Variants in C10orf143 observed in about 807,000 individuals in gnomAD.
The protein encoded by C10orf143 is chromosome 10 open reading frame 143, also known as uncharacterized protein C10orf143.
chr10:130,039,113 C>T (rs919073934), intron 3 of C10orf143, among the ~76,000 whole-genome samples: 3 of 151,602 alleles, frequency 2.0e-5, no homozygotes, highest in African/African-American at 7.3e-5. Flanking sequence ...GCCAGTGCTG[C>T]TCTGTCACCC....
chr10:130,062,988 G>T (rs1860873119), downstream of C10orf143, among the ~76,000 whole-genome samples: 1 of 151,948 alleles, frequency 6.6e-6, no homozygotes, highest in African/African-American at 2.4e-5. Context: ...CCACCACACA[G>T]ATGGGAACCA....
At chr10:130,108,780 G>A (rs945620672) in intron 1 of C10orf143, among the ~76,000 whole-genome samples, 1 of 152,120 alleles carries the variant, frequency 6.6e-6, no homozygotes, top group Non-Finnish European at 1.5e-5. Flanking sequence ...ATTTACTGTA[G>A]GTGTAGACAA....
intron 1 of C10orf143, among the ~76,000 whole-genome samples, chr10:130,088,655 T>C (rs904885516): frequency 3.9e-5 from 6 of 152,236 alleles, no homozygotes; most frequent in East Asian, 1.9e-4. Context: ...CCTACCATGA[T>C]AAAGTTACTT....
chr10:130,098,169 A>G (rs1244994101), intron 1 of C10orf143, among the ~76,000 whole-genome samples: 1 of 152,000 alleles, frequency 6.6e-6, no homozygotes, highest in Non-Finnish European at 1.5e-5. Context: ...CTAAAAATAC[A>G]AAAATCAGCT....
chr10:130,057,245 T>G (rs546349696), intron 3 of C10orf143, among the ~76,000 whole-genome samples: 1 of 152,238 alleles, frequency 6.6e-6, no homozygotes, highest in African/African-American at 2.4e-5. Flanking sequence ...ATTCACCATT[T>G]AAACCGTTTT....
Position 130,056,420 on chromosome 10 carries a change from T to C in C10orf143, c.298-20450A>G, listed in dbSNP as rs1164263875. Among the ~76,000 whole-genome samples the C allele has an allele frequency of 6.6e-6, 1 of 152,098 alleles. No individual in the cohort carries two copies. The highest frequency in any genetic ancestry group is 1.5e-5 in the Non-Finnish European group (1 of 68,010). On this transcript the variant is annotated intron_variant and NMD_transcript_variant, in intron 3 of 5. Coordinates refer to the C10orf143 transcript ENST00000643056. This position sits in a 1 kb window ranked among gnomAD's most constrained non-coding sequence, Gnocchi z 4.6. ...AGCAAGGGTCATGCTGAGTCAAGCGTTCAGTGAATACCCCAGGACCTTCAT... is the reference window on the plus strand; with the variant it reads ...AGCAAGGGTCATGCTGAGTCAAGCGCTCAGTGAATACCCCAGGACCTTCAT...
rs759584966 is a variant in C10orf143 at position 130,108,516 on chromosome 10, C to G, written c.69+2188G>C. 9 of 678,772 alleles carry G rather than the reference C, an allele frequency of 1.3e-5. No individual in the cohort carries two copies. The African/African-American group carries it at 1.6e-4, about 12-fold the overall frequency. The allele number at this position is 678,772 out of a possible 1,614,324, so 42.0% of individuals were successfully genotyped here. ...ATCTCATTTCAAGTAACTGCTGTTA[C>G]TTAAGTGATTACACTTTTGCTCAAA... is the stretch of plus-strand genomic sequence containing the variant. On this transcript the variant is annotated intron_variant, in intron 1 of 3. Coordinates refer to ENST00000637128, the MANE Select transcript of C10orf143 (RefSeq NM_001355042.2).
Position 130,046,765 on chromosome 10 carries a change from C to A in C10orf143, c.298-10795G>T, listed in dbSNP as rs773200547. Among the ~76,000 whole-genome samples, 13 of 152,184 alleles carry A rather than the reference C, an allele frequency of 8.5e-5. No homozygotes were observed. The East Asian group carries it at 2.5e-3, about 29-fold the overall frequency. ...AGGCCACCAGCTCGCCCACGCCGCC[C>A]GCTCACCTGCACGCGGAGGTTCATT... On this transcript the variant is annotated intron_variant and NMD_transcript_variant, in intron 3 of 5. Transcript: ENST00000643056.
intron 4 of C10orf143, among the ~76,000 whole-genome samples, chr10:130,035,129 T>C (rs535027443): frequency 6.6e-6 from 1 of 152,258 alleles, no homozygotes; most frequent in East Asian, 1.9e-4. Flanking sequence ...TCAGGCTGGG[T>C]GGTTTAACCA....
At chr10:130,095,623 T>C (rs1447961576) in intron 1 of C10orf143, among the ~76,000 whole-genome samples, 1 of 152,086 alleles carries the variant, frequency 6.6e-6, no homozygotes, top group African/African-American at 2.4e-5. Context: ...AACAGGGGCC[T>C]CAGAAATAAC....
intron 1 of C10orf143, chr10:130,107,673 T>C (rs751745677): frequency 4.6e-6 from 6 of 1,298,888 alleles, no homozygotes; most frequent in Non-Finnish European, 6.7e-6. Context: ...GAGGGTCCAC[T>C]CAGACTCTCA....
At chr10:130,035,317 C>A (rs1316385586) in intron 4 of C10orf143, among the ~76,000 whole-genome samples, 1 of 152,180 alleles carries the variant, frequency 6.6e-6, no homozygotes, top group Non-Finnish European at 1.5e-5. Flanking sequence ...CTTCTTCTAT[C>A]CAACCAGGCA....
At chr10:130,099,851 T>A (rs1861519909) in intron 1 of C10orf143, among the ~76,000 whole-genome samples, 1 of 52,750 alleles carries the variant, frequency 1.9e-5, no homozygotes, top group Non-Finnish European at 3.5e-5. Context: ...TTTATTTTTT[T>A]TTTTTTAAGA....
At chr10:130,105,939 C>A in intron 1 of C10orf143, 2 of 381,432 alleles carry the variant, frequency 5.2e-6, no homozygotes, top group Non-Finnish European at 5.2e-6. Flanking sequence ...CAATGGTCTG[C>A]TCCGGTTGCC....
At chr10:130,105,942 C>T in intron 1 of C10orf143, 2 of 381,758 alleles carry the variant, frequency 5.2e-6, no homozygotes, top group South Asian at 4.1e-5. Context: ...TGGTCTGCTC[C>T]GGTTGCCGGG....
At chr10:130,105,782 G>A (rs1861632291) in intron 1 of C10orf143, among the ~76,000 whole-genome samples, 1 of 152,042 alleles carries the variant, frequency 6.6e-6, no homozygotes, top group South Asian at 2.1e-4. Flanking sequence ...CCTCCCCACG[G>A]CTGCCTGGCC....
At chr10:130,072,513 A>G (rs1218714080) in intron 3 of C10orf143, among the ~76,000 whole-genome samples, 3 of 152,114 alleles carry the variant, frequency 2.0e-5, no homozygotes, top group Non-Finnish European at 2.9e-5. Flanking sequence ...TTCTGTCTTT[A>G]ACTGTGTCTA....
chr10:130,053,949 G>A (rs190521128), intron 3 of C10orf143, among the ~76,000 whole-genome samples: 2 of 152,280 alleles, frequency 1.3e-5, no homozygotes, highest in East Asian at 1.9e-4. Flanking sequence ...TGGAAAGGAC[G>A]AGAGCAAGTG....
chr10:130,057,707 G>GC (rs1281553305), intron 3 of C10orf143, among the ~76,000 whole-genome samples: 2 of 152,226 alleles, frequency 1.3e-5, no homozygotes, highest in Non-Finnish European at 1.5e-5. Context: ...TGCCACTGTG[G>GC]CCCTGGGCAC....
Sources: allele counts gnomAD v4.1 joint callset (sites outside exome capture counted in the v4.1 genomes callset), GRCh38; gene constraint gnomAD v4.1.1; non-coding constraint Gnocchi (gnomAD v3.1); transcripts MANE v1.5; gene names NCBI Gene and HGNC (gene_info 2026-07-23, HGNC 2026-07-21).